FGD4: variants seen among roughly 807,000 people sequenced by gnomAD.
FGD4 encodes the protein FYVE, RhoGEF and PH domain containing 4.
FGD4 carries 42 observed loss-of-function variants against 102.0 expected under a neutral mutation model. That is an observed-to-expected ratio of 0.41 (90% CI 0.32 to 0.53). The LOEUF is 0.53. Among genes scored for constraint, FGD4 ranks in the 20% least tolerant of loss-of-function variants. The pLI is 0.21. For synonymous variants in FGD4, 380 were observed against 375.7 expected, an observed-to-expected ratio of 1.01 and a Z score of -0.13; for missense variants, 902 against 1,078.2, an observed-to-expected ratio of 0.84 and a Z score of 2.29.
chr12:32,626,120 G>GA (rs1950152177), intron 14 of FGD4, among the ~76,000 whole-genome samples: 1 of 152,196 alleles, frequency 6.6e-6, no homozygotes. Context: ...AGACCTATCT[G>GA]AGGGGTTGGT....
intron 1 of FGD4, among the ~76,000 whole-genome samples, chr12:32,447,272 G>A (rs1008368093): frequency 6.6e-6 from 1 of 152,128 alleles, no homozygotes; most frequent in Non-Finnish European, 1.5e-5. Context: ...ACCCTTGCTT[G>A]TACCCCTTAC....
chr12:32,613,907 A>C (rs1270387050), intron 10 of FGD4, among the ~76,000 whole-genome samples: 1 of 152,248 alleles, frequency 6.6e-6, no homozygotes, highest in African/African-American at 2.4e-5. Flanking sequence ...AAAATCATTG[A>C]CACTTCATGA....
At chr12:32,573,037 G>C (rs915653077) in intron 2 of FGD4, among the ~76,000 whole-genome samples, 7 of 152,136 alleles carry the variant, frequency 4.6e-5, no homozygotes, top group African/African-American at 1.7e-4. Flanking sequence ...ACCATCTGTT[G>C]TCATTTCCTC....
At position 32,510,763 on chromosome 12, in the gene FGD4, A is replaced by G. The variant is rs2136672057; in HGVS notation, c.167-53374A>G. Reference sequence around the variant, plus strand: ...GGTGGTATTTAAATATAAATTAGACAGATACTTGTAAGAGATATTGTAGAC... The same window carrying G: ...GGTGGTATTTAAATATAAATTAGACGGATACTTGTAAGAGATATTGTAGAC... On this transcript the variant is annotated intron_variant, in intron 1 of 16. Coordinates refer to ENST00000534526, the MANE Select transcript of FGD4 (RefSeq NM_001370298.3). Among the ~76,000 whole-genome samples the G allele has an allele frequency of 2.0e-5, 3 of 152,360 alleles. No individual in the cohort carries two copies. In the Middle Eastern group the frequency reaches 0.01, roughly 518 times the overall value.
At chr12:32,527,861 T>C (rs181437080) in intron 1 of FGD4, among the ~76,000 whole-genome samples, 1 of 152,346 alleles carries the variant, frequency 6.6e-6, no homozygotes, top group Admixed American at 6.5e-5. Context: ...AATTTCCTAA[T>C]TTAGATTAGT....
intron 1 of FGD4, among the ~76,000 whole-genome samples, chr12:32,561,649 T>C (rs559746236): frequency 1.5e-4 from 23 of 152,214 alleles, no homozygotes; most frequent in Non-Finnish European, 3.2e-4. Context: ...AATTTTATTT[T>C]CTCTGAAGCA....
At chr12:32,425,146 C>T (rs1941786413) in intron 1 of FGD4, among the ~76,000 whole-genome samples, 1 of 152,130 alleles carries the variant, frequency 6.6e-6, no homozygotes, top group South Asian at 2.1e-4. Context: ...AGTCTTTGCC[C>T]ATGCCTATGT....
intron 1 of FGD4, among the ~76,000 whole-genome samples, chr12:32,427,627 T>C (rs1941891004): frequency 6.6e-6 from 1 of 152,070 alleles, no homozygotes. Context: ...CCTTGTTAAT[T>C]TTCTGTCTTG....
At chr12:32,529,841 T>TAA (rs78510499) in intron 1 of FGD4, among the ~76,000 whole-genome samples, 2 of 109,898 alleles carry the variant, frequency 1.8e-5, no homozygotes, top group African/African-American at 3.5e-5. Context: ...AGACTCTGTC[T>TAA]AAAAAAAAAA....
At chr12:32,473,645 G>A (rs1030748437) in intron 1 of FGD4, among the ~76,000 whole-genome samples, 2 of 152,078 alleles carry the variant, frequency 1.3e-5, no homozygotes, top group South Asian at 2.1e-4. Flanking sequence ...CACCAATTCC[G>A]GACACACCTG....
chr12:32,520,638 G>T (rs1049953892), intron 1 of FGD4, among the ~76,000 whole-genome samples: 2 of 151,746 alleles, frequency 1.3e-5, no homozygotes, highest in African/African-American at 2.4e-5. Context: ...GGGTTTCACC[G>T]TGTTAGCCAG....
chr12:32,628,470 G>A (rs1477695625), intron 14 of FGD4, among the ~76,000 whole-genome samples: 1 of 152,090 alleles, frequency 6.6e-6, no homozygotes, highest in East Asian at 1.9e-4. Flanking sequence ...AGGGCATGGA[G>A]GGGAAAGTGG....
At chr12:32,415,810 A>G (rs1038437241) in intron 1 of FGD4, among the ~76,000 whole-genome samples, 1 of 152,220 alleles carries the variant, frequency 6.6e-6, no homozygotes, top group African/African-American at 2.4e-5. Context: ...TAGTGACGTT[A>G]TATGTGTTTT....
intron 14 of FGD4, among the ~76,000 whole-genome samples, chr12:32,633,098 A>T (rs1388107883): frequency 6.7e-6 from 1 of 150,288 alleles, no homozygotes; most frequent in Non-Finnish European, 1.5e-5. Context: ...TAAAATGGAA[A>T]ATCTTTGGGT....
intron 10 of FGD4, among the ~76,000 whole-genome samples, chr12:32,617,365 G>A (rs1039372049): frequency 5.9e-5 from 9 of 152,094 alleles, no homozygotes; most frequent in Admixed American, 3.3e-4. Context: ...AACACAGAAC[G>A]AGCACTAGAA....
At chr12:32,601,159 A>T (rs1387284172) in intron 5 of FGD4, 119 bp from the exon 6 acceptor site, 3 of 987,842 alleles carry the variant, frequency 3.0e-6, no homozygotes, top group Non-Finnish European at 4.6e-6. Flanking sequence ...ATTCTCTTGA[A>T]CTGTAAACTT....
rs1940568957 is a variant in FGD4, at chr12:32,399,768, G to C, written c.-26G>C. ...CGGCTGGACGGGAGCGGGAGGAGTC[G>C]GGGAGCGGCGGTCGAGCCCGGCAGG... On this transcript the variant is annotated 5_prime_UTR_variant, in exon 1 of 17. Coordinates refer to ENST00000534526, the MANE Select transcript of FGD4 (RefSeq NM_001370298.3). The C allele has an allele frequency of 6.5e-7, 1 of 1,527,534 alleles. No homozygotes were observed. 94.6% of individuals were successfully genotyped at this position (1,527,534 alleles called of 1,614,324 possible).
rs61748364 is a variant in FGD4, at chr12:32,624,993, C to G, written c.1971C>G (p.Ile657Met). 11 of 1,613,136 alleles carry G rather than the reference C, an allele frequency of 6.8e-6. No individual in the cohort carries two copies. The African/African-American group carries it at 1.1e-4, about 16-fold the overall frequency. ...TACTTTAGGCCCTTCAAGAAACCAT[C>G]GATGCTTTTCATCAAAGGCATGAAA... ...EEWIKALQET[I>M]DAFHQRHETF... is the part of the protein sequence containing the mutation. The change falls in exon 13 of 17, where the codon ATC (isoleucine) becomes ATG (methionine). Residue 657 changes from isoleucine (I) to methionine (M), a missense_variant. This residue lies in a region of FGD4 where 459 missense variants were observed against 619.0 expected (regional missense o/e 0.74). Coordinates refer to ENST00000534526, the MANE Select transcript of FGD4 (RefSeq NM_001370298.3).
At chr12:32,491,880 T>G (rs999121168) in intron 1 of FGD4, among the ~76,000 whole-genome samples, 1 of 152,194 alleles carries the variant, frequency 6.6e-6, no homozygotes, top group Non-Finnish European at 1.5e-5. Context: ...CTTTGCCTTT[T>G]CCCTGGCATT....
Sources: allele counts gnomAD v4.1 joint callset (sites outside exome capture counted in the v4.1 genomes callset), GRCh38; gene constraint gnomAD v4.1.1; regional missense constraint gnomAD v4.1.1; transcripts MANE v1.5; gene names NCBI Gene and HGNC (gene_info 2026-07-23, HGNC 2026-07-21).